CHCHD3: variants seen among roughly 807,000 people sequenced by gnomAD.
CHCHD3 encodes the protein coiled-coil-helix-coiled-coil-helix domain containing 3.
CHCHD3 carries 20 observed loss-of-function variants against 38.2 expected under a neutral mutation model. The observed-to-expected ratio is 0.52, with a 90% confidence interval of 0.37 to 0.76. The LOEUF (loss-of-function observed/expected upper bound fraction) is 0.76, where lower values mean the gene tolerates loss of function less well. CHCHD3 is among the 30% of genes least tolerant of loss of function. CHCHD3 has a pLI of 0.00. For missense variants in CHCHD3, 245 were observed against 279.2 expected (o/e 0.88, Z 0.87); for synonymous variants, 82 against 100.0 (o/e 0.82, Z 1.07).
At chr7:132,908,532 C>A (rs1222557162) in intron 4 of CHCHD3, among the ~76,000 whole-genome samples, 1 of 151,884 alleles carries the variant, frequency 6.6e-6, no homozygotes, top group East Asian at 1.9e-4. Context: ...TATCTGAGGC[C>A]CTTGGTTTTT....
intron 4 of CHCHD3, among the ~76,000 whole-genome samples, chr7:132,966,328 T>C (rs1723866207): frequency 1.3e-5 from 2 of 152,146 alleles, no homozygotes; most frequent in African/African-American, 2.4e-5. Context: ...GGTAAGGGAA[T>C]AGTTACAAGA....
chr7:133,019,899 T>C, intron 3 of CHCHD3, among the ~76,000 whole-genome samples: 1 of 152,152 alleles, frequency 6.6e-6, no homozygotes, highest in Non-Finnish European at 1.5e-5. Context: ...ACTCAAACTG[T>C]AGCATATTAT....
intron 3 of CHCHD3, among the ~76,000 whole-genome samples, chr7:133,016,329 T>C (rs192342081): frequency 6.6e-6 from 1 of 152,346 alleles, no homozygotes; most frequent in Admixed American, 6.5e-5. Flanking sequence ...ACATTGTAGT[T>C]GGGCATATGG....
chr7:132,885,674 T>C lies in CHCHD3; in HGVS notation c.441A>G (p.Arg147=). The change falls in exon 5 of 8, where the codon AGA becomes AGG. Residue 147 remains arginine, a synonymous_variant. Coordinates refer to ENST00000262570, the MANE Select transcript of CHCHD3 (RefSeq NM_017812.4). ...QDAFYKEQLA[R]LEERSSEFYR... ...AAAATAGTCATACCCTCTCCTCCAGTCTAGCCAGCTGTTCTTTGTAGAATG... is the reference window on the plus strand; with the variant it reads ...AAAATAGTCATACCCTCTCCTCCAGCCTAGCCAGCTGTTCTTTGTAGAATG... 1 of 1,605,570 alleles carries C rather than the reference T, an allele frequency of 6.2e-7. No individual in the cohort carries two copies. The highest frequency in any genetic ancestry group is 1.7e-5 in the Admixed American group (1 of 58,870).
intron 4 of CHCHD3, among the ~76,000 whole-genome samples, chr7:132,931,154 G>A (rs866845954): frequency 2.6e-5 from 4 of 152,196 alleles, no homozygotes; most frequent in African/African-American, 7.2e-5. Flanking sequence ...ATCTACTCAC[G>A]TATGTTGCAG....
intron 2 of CHCHD3, among the ~76,000 whole-genome samples, chr7:133,066,443 T>C (rs1020467297): frequency 3.3e-5 from 5 of 152,054 alleles, no homozygotes; most frequent in Admixed American, 1.3e-4. Context: ...TTAGTAGAGA[T>C]AGGGATTCAC....
chr7:133,065,378 T>C (rs1248317398), intron 2 of CHCHD3, among the ~76,000 whole-genome samples: 1 of 152,196 alleles, frequency 6.6e-6, no homozygotes, highest in Non-Finnish European at 1.5e-5. Flanking sequence ...GAACCCACTT[T>C]CTTATAGTAT....
intron 5 of CHCHD3, 59 bp downstream of exon 5, chr7:132,885,603 T>A (rs940244069): frequency 3.1e-6 from 4 of 1,296,416 alleles, no homozygotes; most frequent in African/African-American, 1.6e-5. Flanking sequence ...AATTTTTAAA[T>A]AAATATACAA....
At chr7:133,019,716 GA>G (rs781145611) in intron 3 of CHCHD3, among the ~76,000 whole-genome samples, 7 of 150,726 alleles carry the variant, frequency 4.6e-5, no homozygotes, top group African/African-American at 1.2e-4. Flanking sequence ...TTGGTTTCTT[GA>G]AAAAAAAATG....
At position 132,843,353 on chromosome 7, in the gene CHCHD3, G is replaced by T. The variant is rs114944647; in HGVS notation, c.454-4884C>A. 3.0e-3 allele frequency among the ~76,000 whole-genome samples: 453 copies of T among 152,268 alleles called. 1 individual carries two copies. The highest frequency in any genetic ancestry group is 0.01 in the African/African-American group (434 of 41,546). On this transcript the variant is annotated intron_variant, in intron 5 of 7. Transcript: ENST00000262570. ...TGCATTATTTACAAGCAGCTTGGGTGATTCTGAATACACACACTAAATTTG... is the reference window on the plus strand; with the variant it reads ...TGCATTATTTACAAGCAGCTTGGGTTATTCTGAATACACACACTAAATTTG...
chr7:132,828,428 A>T (rs1644346609), intron 6 of CHCHD3, among the ~76,000 whole-genome samples: 1 of 152,092 alleles, frequency 6.6e-6, no homozygotes, highest in African/African-American at 2.4e-5. Context: ...CCATGAAAAA[A>T]ATTTTCCTAA....
chr7:132,901,500 T>C (rs1809666881), intron 4 of CHCHD3, among the ~76,000 whole-genome samples: 1 of 152,220 alleles, frequency 6.6e-6, no homozygotes, highest in Admixed American at 6.5e-5. Flanking sequence ...CAGGGGGTCC[T>C]CTTGTCTGAC....
intron 5 of CHCHD3, among the ~76,000 whole-genome samples, chr7:132,860,526 G>A (rs1265351491): frequency 6.6e-6 from 1 of 152,064 alleles, no homozygotes; most frequent in Non-Finnish European, 1.5e-5. Flanking sequence ...GGCCTTATTG[G>A]CTTCCTTTCT....
Position 133,081,969 on chromosome 7 carries a change from C to A in CHCHD3, c.-32G>T. On this transcript the variant is annotated 5_prime_UTR_variant, in exon 1 of 8. Coordinates refer to ENST00000262570, the MANE Select transcript of CHCHD3 (RefSeq NM_017812.4). Reference sequence around the variant, plus strand: ...GGTTCCTGCCCCAGCGGAGACCTAGCGGGGAACCACGAGCACTTCGGGGCC... The same window carrying A: ...GGTTCCTGCCCCAGCGGAGACCTAGAGGGGAACCACGAGCACTTCGGGGCC... The A allele has an allele frequency of 6.6e-7, 1 of 1,512,374 alleles. No individual in the cohort carries two copies. Among genetic ancestry groups the A allele is most frequent in the South Asian group, 1.3e-5 (1 of 78,694 alleles). 93.7% of individuals were successfully genotyped at this position (1,512,374 alleles called of 1,614,324 possible). A position where few individuals can be genotyped will look rare whatever the true frequency, so the allele number is the denominator to read the frequency against.
intron 4 of CHCHD3, among the ~76,000 whole-genome samples, chr7:132,891,598 G>A (rs145154818): frequency 3.1e-4 from 47 of 152,104 alleles, no homozygotes; most frequent in African/African-American, 6.7e-4. Flanking sequence ...AGCCCTGATC[G>A]ACATTTTAAG....
rs747242116 is a variant in CHCHD3 at position 133,035,465 on chromosome 7, C to G, written c.170-10838G>C. On this transcript the variant is annotated intron_variant, in intron 2 of 7. Transcript: ENST00000262570. The surrounding 1 kb of genome is among the most constrained non-coding windows in gnomAD (Gnocchi z 4.7). ...CAGCCAATGTCACTCGTTCGCCCAC[C>G]AGAAAAGTCCTCGTCTTCAAGTAAG... 1.8e-5 allele frequency: 29 copies of G among 1,613,434 alleles called. No individual in the cohort carries two copies. Among genetic ancestry groups the G allele is most frequent in the Non-Finnish European group, 2.3e-5 (27 of 1,179,516 alleles).
intron 2 of CHCHD3, among the ~76,000 whole-genome samples, chr7:133,038,613 C>A (rs1367282137): frequency 6.6e-6 from 1 of 152,306 alleles, no homozygotes; most frequent in East Asian, 1.9e-4. Flanking sequence ...TTACCAAGGA[C>A]AGCTGATGAA....
chr7:133,015,523 C>CA (rs1395505361), intron 3 of CHCHD3, among the ~76,000 whole-genome samples: 1 of 151,928 alleles, frequency 6.6e-6, no homozygotes, highest in Non-Finnish European at 1.5e-5. Flanking sequence ...TAGCACAAAA[C>CA]AGAGGTCATT....
intron 2 of CHCHD3, among the ~76,000 whole-genome samples, chr7:133,025,796 G>A (rs530363434): frequency 2.0e-5 from 3 of 152,288 alleles, no homozygotes; most frequent in East Asian, 3.9e-4. Context: ...AAGCCACCAC[G>A]CCTGGCCAGG....
Sources: gnomAD v4.1 joint callset for allele counts (sites outside exome capture counted in the v4.1 genomes callset) on GRCh38, gnomAD v4.1.1 for gene constraint, Gnocchi (gnomAD v3.1) non-coding constraint, MANE v1.5 for transcripts, NCBI Gene and HGNC (gene_info 2026-07-23, HGNC 2026-07-21) for gene names.